Variants in SORCS1 observed in about 807,000 individuals in gnomAD.
SORCS1 encodes sortilin related VPS10 domain containing receptor 1, also known as VPS10 domain-containing receptor SorCS1.
A neutral mutation model predicts 146.1 loss-of-function variants in SORCS1; 60 were observed. The observed-to-expected ratio is 0.41, with a 90% CI of 0.33 to 0.51. The LOEUF is 0.51. SORCS1 is among the 20% of genes least tolerant of loss of function. The pLI is 0.21. For synonymous variants in SORCS1, 637 were observed against 584.0 expected (o/e 1.09, Z -1.31); for missense variants, 1,352 against 1,487.6 (o/e 0.91, Z 1.50).
chr10:106,635,646 T>G (rs558000545), intron 18 of SORCS1, among the ~76,000 whole-genome samples: 1 of 152,226 alleles, frequency 6.6e-6, no homozygotes, highest in East Asian at 1.9e-4. Flanking sequence ...CAAGAAACAT[T>G]ACAAAATACA....
intron 4 of SORCS1, 93 bp downstream of exon 4, chr10:106,776,441 G>C: frequency 6.6e-7 from 1 of 1,505,422 alleles, no homozygotes; most frequent in Non-Finnish European, 9.1e-7. Context: ...GAACAAAAAT[G>C]ATCACTGAGG....
At position 107,154,347 on chromosome 10, in the gene SORCS1, T is replaced by C. The variant is rs569808219; in HGVS notation, c.558+9622A>G. Among the ~76,000 whole-genome samples, 107 of 152,308 alleles carry C rather than the reference T, an allele frequency of 7.0e-4. 1 individual carries two copies. Among genetic ancestry groups the C allele is most frequent in the African/African-American group, 2.3e-3 (94 of 41,576 alleles). ...ACTTGGGATATATGAGAGAACAACA[T>C]AGACAAAAACTCTGACTTAATGGGT... On this transcript the variant is annotated intron_variant, in intron 1 of 25. Coordinates refer to ENST00000263054, the MANE Select transcript of SORCS1 (RefSeq NM_052918.5).
Position 106,597,361 on chromosome 10 carries a change from G to C in SORCS1, c.3255C>G (p.His1085Gln), listed in dbSNP as rs1845968032. The change falls in exon 24 of 26, where the codon CAC becomes CAG. Residue 1085 changes from histidine to glutamine, a missense_variant. Around this residue, in one of 3 missense-constraint regions of SORCS1, gnomAD observed 214 missense variants for 204.8 expected, o/e 1.05. Coordinates refer to ENST00000263054, the MANE Select transcript of SORCS1 (RefSeq NM_052918.5). Reference protein sequence around the residue: ...PGVRVLVHAAHLTAAPLVDLT... With the variant: ...PGVRVLVHAAQLTAAPLVDLT... The stretch of plus-strand genomic sequence containing the variant: ...GACATGGACACTGACCCGCTGTTAA[G>C]TGAGCAGCATGGACAAGGACTCGGA... The C allele has an allele frequency of 3.1e-6, 5 of 1,613,732 alleles. No homozygotes were observed. Among genetic ancestry groups the C allele is most frequent in the African/African-American group, 1.3e-5 (1 of 74,920 alleles).
In SORCS1 at chr10:106,822,782, G is replaced by GTTTTTTTTTTTTTTTT. The variant is rs1158921880; in HGVS notation, c.726+6776_726+6791dup. Among the ~76,000 whole-genome samples, 50 of 113,138 alleles carry GTTTTTTTTTTTTTTTT rather than the reference G, an allele frequency of 4.4e-4. 1 individual carries two copies. The highest frequency in any genetic ancestry group is 1.7e-3 in the East Asian group (6 of 3,540). The allele number at this position is 113,138 out of a possible 152,430, so 74.2% of individuals were successfully genotyped here. A position where few individuals can be genotyped will look rare whatever the true frequency, so the allele number is the denominator to read the frequency against. On this transcript the variant is annotated intron_variant, in intron 3 of 25. Transcript: ENST00000263054. ...CACTATGTCTCTGAATTCATGTGTG[G>GTTTTTTTTTTTTTTTT]TTTTTTTTTTTTTTTTTTTTGAATA...
chr10:106,800,821 A>C (rs1424075139), intron 3 of SORCS1, among the ~76,000 whole-genome samples: 1 of 152,106 alleles, frequency 6.6e-6, no homozygotes, highest in Non-Finnish European at 1.5e-5. Context: ...GATTACAGGC[A>C]TGAGCCACCG....
At chr10:106,966,321 A>T (rs1955493689) in intron 1 of SORCS1, among the ~76,000 whole-genome samples, 1 of 152,212 alleles carries the variant, frequency 6.6e-6, no homozygotes, top group Admixed American at 6.5e-5. Context: ...AGACAAAAGT[A>T]ATCTGGTCTA....
At chr10:107,019,754 A>G (rs927863847) in intron 1 of SORCS1, among the ~76,000 whole-genome samples, 1 of 152,272 alleles carries the variant, frequency 6.6e-6, no homozygotes, top group Non-Finnish European at 1.5e-5. Flanking sequence ...GGTATCTGTC[A>G]GACGTGCACT....
At chr10:107,101,079 G>A (rs1257442099) in intron 1 of SORCS1, among the ~76,000 whole-genome samples, 2 of 151,926 alleles carry the variant, frequency 1.3e-5, no homozygotes, top group Non-Finnish European at 2.9e-5. Flanking sequence ...CTTTTTTGGA[G>A]ACCAAGTTTC....
intron 3 of SORCS1, among the ~76,000 whole-genome samples, chr10:106,812,155 T>G (rs192763747): frequency 6.6e-6 from 1 of 151,914 alleles, no homozygotes; most frequent in African/African-American, 2.4e-5. Context: ...CGCCCGCCAC[T>G]GCATCCTGCT....
At chr10:106,956,237 C>T (rs1954935270) in intron 2 of SORCS1, among the ~76,000 whole-genome samples, 1 of 152,160 alleles carries the variant, frequency 6.6e-6, no homozygotes, top group Non-Finnish European at 1.5e-5. Context: ...CTCCAATAAA[C>T]TCACAGGTCA....
intron 1 of SORCS1, among the ~76,000 whole-genome samples, chr10:107,124,410 C>T (rs1390014451): frequency 6.6e-6 from 1 of 152,108 alleles, no homozygotes. Flanking sequence ...TAATTAGAAA[C>T]CTGTCAGATA....
intron 2 of SORCS1, among the ~76,000 whole-genome samples, chr10:106,883,233 A>G (rs1179717868): frequency 6.6e-6 from 1 of 152,152 alleles, no homozygotes; most frequent in Non-Finnish European, 1.5e-5. Context: ...TAGGCCTTCA[A>G]AGTGCTTCTG....
intron 1 of SORCS1, among the ~76,000 whole-genome samples, chr10:107,066,538 T>A (rs1961874298): frequency 6.6e-6 from 1 of 152,208 alleles, no homozygotes; most frequent in Admixed American, 6.5e-5. Context: ...AACGAGTCTA[T>A]TGCACTAGAC....
At chr10:106,971,653 T>C (rs1291574081) in intron 1 of SORCS1, among the ~76,000 whole-genome samples, 1 of 152,264 alleles carries the variant, frequency 6.6e-6, no homozygotes, top group African/African-American at 2.4e-5. Context: ...AACATGTCTA[T>C]GATCTAATCC....
intron 1 of SORCS1, among the ~76,000 whole-genome samples, chr10:107,161,745 T>A (rs1353221580): frequency 1.3e-5 from 2 of 152,208 alleles, no homozygotes; most frequent in Non-Finnish European, 2.9e-5. Context: ...TTTTAAACTT[T>A]CTCTGAGTCT....
intron 1 of SORCS1, among the ~76,000 whole-genome samples, chr10:107,134,161 C>T (rs1481472204): frequency 2.0e-5 from 3 of 151,966 alleles, no homozygotes; most frequent in Non-Finnish European, 4.4e-5. Context: ...AGGTTGGGGA[C>T]CAGGGGGAGT....
intron 19 of SORCS1, among the ~76,000 whole-genome samples, chr10:106,626,902 C>A (rs4918242): frequency 0.035 from 5,257 of 152,304 alleles, 142 homozygotes; most frequent in South Asian, 0.067. Context: ...TATCCAACCA[C>A]TTAACCCAAG....
intron 3 of SORCS1, among the ~76,000 whole-genome samples, chr10:106,783,862 T>C (rs1861079036): frequency 2.0e-5 from 3 of 152,202 alleles, no homozygotes; most frequent in Admixed American, 6.5e-5. Flanking sequence ...GATGTAATGT[T>C]CTTATTGGTG....
chr10:106,959,532 T>A (rs1213722565), intron 1 of SORCS1, among the ~76,000 whole-genome samples: 1 of 152,232 alleles, frequency 6.6e-6, no homozygotes, highest in African/African-American at 2.4e-5. Context: ...CAAATCAGTT[T>A]CTGTTAAGGG....
Sources: allele counts gnomAD v4.1 joint callset (sites outside exome capture counted in the v4.1 genomes callset), GRCh38; gene constraint gnomAD v4.1.1; regional missense constraint gnomAD v4.1.1; transcripts MANE v1.5; gene names NCBI Gene and HGNC (gene_info 2026-07-23, HGNC 2026-07-21).